Variants in KLHL29 observed in about 807,000 individuals in gnomAD.
The protein encoded by KLHL29 is kelch like family member 29, also known as kelch-like protein 29.
In KLHL29, 21 loss-of-function variants were observed where a neutral mutation model predicts 80.4. The observed-to-expected ratio is 0.26, with a 90% CI of 0.19 to 0.38. KLHL29 has a LOEUF of 0.38. Among genes scored for constraint, KLHL29 ranks in the 10% least tolerant of loss-of-function variants. The pLI is 1.00. For missense variants in KLHL29, 867 were observed against 1,223.9 expected (o/e 0.71, Z 4.35); for synonymous variants, 511 against 526.8 (o/e 0.97, Z 0.41).
At chr2:23,417,648 G>C (rs534595734) in intron 1 of KLHL29, among the ~76,000 whole-genome samples, 3 of 152,238 alleles carry the variant, frequency 2.0e-5, no homozygotes, top group African/African-American at 7.2e-5. Flanking sequence ...CCTTGACCCT[G>C]GGATTTTCAT....
intron 3 of KLHL29, among the ~76,000 whole-genome samples, chr2:23,629,230 T>C (rs1351147413): frequency 6.6e-6 from 1 of 151,798 alleles, no homozygotes; most frequent in Non-Finnish European, 1.5e-5. Context: ...TCTGGGCCAC[T>C]GGCTCCCGCA....
At chr2:23,618,700 G>A (rs565649423) in intron 3 of KLHL29, among the ~76,000 whole-genome samples, 132 of 152,216 alleles carry the variant, frequency 8.7e-4, no homozygotes, top group Admixed American at 3.6e-3. Flanking sequence ...ATAATAAATC[G>A]TATATTATAT....
At chr2:23,408,371 A>ACAT (rs992300821) in intron 1 of KLHL29, among the ~76,000 whole-genome samples, 1 of 148,834 alleles carries the variant, frequency 6.7e-6, no homozygotes, top group Non-Finnish European at 1.5e-5. Flanking sequence ...TAAAGAATTG[A>ACAT]CATTTGGACT....
intron 1 of KLHL29, among the ~76,000 whole-genome samples, chr2:23,459,212 A>C (rs1664143336): frequency 6.6e-6 from 1 of 152,194 alleles, no homozygotes. Flanking sequence ...GGAGAAGCCC[A>C]GAGTTCTTTG....
chr2:23,395,139 A>G (rs1183117374), intron 1 of KLHL29, among the ~76,000 whole-genome samples: 2 of 152,142 alleles, frequency 1.3e-5, no homozygotes, highest in East Asian at 1.9e-4. Flanking sequence ...GTGACAGAGG[A>G]AGGAGACAGG....
chr2:23,514,394 C>G (rs1665862516), intron 2 of KLHL29, among the ~76,000 whole-genome samples: 1 of 152,154 alleles, frequency 6.6e-6, no homozygotes, highest in Non-Finnish European at 1.5e-5. Context: ...CCTCAGGGTG[C>G]AGAGTGCCAG....
intron 2 of KLHL29, among the ~76,000 whole-genome samples, chr2:23,516,327 C>T (rs1467124294): frequency 6.6e-6 from 1 of 152,164 alleles, no homozygotes; most frequent in Admixed American, 6.5e-5. Flanking sequence ...CTAGCATCTG[C>T]ACTGCTCAAG....
At chr2:23,394,419 G>A (rs776694570) in intron 1 of KLHL29, among the ~76,000 whole-genome samples, 6 of 152,152 alleles carry the variant, frequency 3.9e-5, no homozygotes, top group East Asian at 1.9e-4. Flanking sequence ...TCACCCTGTC[G>A]CATGGGTGAC....
chr2:23,657,817 G>C (rs1670287729), intron 5 of KLHL29, among the ~76,000 whole-genome samples: 1 of 152,230 alleles, frequency 6.6e-6, no homozygotes, highest in Admixed American at 6.5e-5. Flanking sequence ...TGGTCACCGG[G>C]ATGTATTTGC....
At chr2:23,657,801 G>A (rs1247479745) in intron 5 of KLHL29, among the ~76,000 whole-genome samples, 1 of 152,198 alleles carries the variant, frequency 6.6e-6, no homozygotes, top group Non-Finnish European at 1.5e-5. Context: ...GCCTAAGAAG[G>A]CTGGTTGGTC....
chr2:23,577,751 A>G (rs1231160775), intron 3 of KLHL29, among the ~76,000 whole-genome samples: 1 of 151,238 alleles, frequency 6.6e-6, no homozygotes, highest in Admixed American at 6.6e-5. Flanking sequence ...TTCATCTCAA[A>G]AAAAAAAAAA....
At chr2:23,530,129 A>G (rs950181919) in intron 2 of KLHL29, among the ~76,000 whole-genome samples, 1 of 152,114 alleles carries the variant, frequency 6.6e-6, no homozygotes, top group Non-Finnish European at 1.5e-5. Context: ...GGGTGTACAC[A>G]GTCACACTGC....
chr2:23,559,700 G>T (rs923978788), intron 2 of KLHL29, among the ~76,000 whole-genome samples: 1 of 152,100 alleles, frequency 6.6e-6, no homozygotes, highest in Non-Finnish European at 1.5e-5. Flanking sequence ...TGGAACAGCT[G>T]GGGGAAGGTG....
rs942845166 is a variant in KLHL29 at position 23,695,878 on chromosome 2, C to T, written c.1741+57C>T. 2.6e-6 allele frequency: 4 copies of T among 1,534,208 alleles called. No individual in the cohort carries two copies. The highest frequency in any genetic ancestry group is 3.5e-6 in the Non-Finnish European group (4 of 1,138,910). On this transcript the variant is annotated intron_variant, in intron 9 of 13. Transcript: ENST00000486442. This position sits in a 1 kb window ranked among gnomAD's most constrained non-coding sequence, Gnocchi z 7.6. ...AAGCAGTGTCTTGGGCTCAGTGGTTCCAGTGAGGTGCCAGGCACAGATGCC... is the reference window on the plus strand; with the variant it reads ...AAGCAGTGTCTTGGGCTCAGTGGTTTCAGTGAGGTGCCAGGCACAGATGCC...
chr2:23,510,408 C>T (rs1347356787), intron 2 of KLHL29, among the ~76,000 whole-genome samples: 1 of 152,170 alleles, frequency 6.6e-6, no homozygotes, highest in Non-Finnish European at 1.5e-5. Flanking sequence ...AGCACCTGAC[C>T]CTTCTATGGC....
intron 3 of KLHL29, among the ~76,000 whole-genome samples, chr2:23,602,169 A>G (rs552830241): frequency 1.3e-5 from 2 of 152,326 alleles, no homozygotes; most frequent in African/African-American, 4.8e-5. Context: ...GGAGACAGCC[A>G]GAGTGTAGGG....
intron 3 of KLHL29, among the ~76,000 whole-genome samples, chr2:23,584,641 G>A (rs905502943): frequency 1.3e-5 from 2 of 152,232 alleles, no homozygotes; most frequent in African/African-American, 4.8e-5. Flanking sequence ...ACAGAGGCTG[G>A]GGCGGAGGGG....
intron 3 of KLHL29, among the ~76,000 whole-genome samples, chr2:23,598,776 C>G (rs1668492316): frequency 6.6e-6 from 1 of 152,220 alleles, no homozygotes; most frequent in South Asian, 2.1e-4. Context: ...CCTGGGCTGT[C>G]TTTCTTCCAA....
intron 3 of KLHL29, among the ~76,000 whole-genome samples, chr2:23,588,853 C>G (rs1292100759): frequency 6.6e-6 from 1 of 152,178 alleles, no homozygotes; most frequent in African/African-American, 2.4e-5. Context: ...TCACCCAGAG[C>G]TCTCCGGTTA....
Sources: allele counts gnomAD v4.1 joint callset (sites outside exome capture counted in the v4.1 genomes callset), GRCh38; gene constraint gnomAD v4.1.1; non-coding constraint Gnocchi (gnomAD v3.1); transcripts MANE v1.5; gene names NCBI Gene and HGNC (gene_info 2026-07-23, HGNC 2026-07-21).